Variants in RPA3 observed in about 807,000 individuals in gnomAD.
The protein encoded by RPA3 is replication protein A3.
In RPA3, 24 loss-of-function variants were observed where a neutral mutation model predicts 13.7. That is an observed-to-expected ratio of 1.75 (90% confidence interval 1.27 to 2.46). The LOEUF (loss-of-function observed/expected upper bound fraction) is 2.46. Among genes scored for constraint, RPA3 ranks in the 30% most tolerant of loss-of-function variants. RPA3 has a pLI of 0.00. For synonymous variants in RPA3, 59 were observed against 51.2 expected, an observed-to-expected ratio of 1.15 and a Z score of -0.65; for missense variants, 183 against 151.0, an observed-to-expected ratio of 1.21 and a Z score of -1.11.
At chr7:7,673,355 C>T in intron 4 of RPA3, 1 of 1,284,830 alleles carries the variant, frequency 7.8e-7, no homozygotes, top group Non-Finnish European at 1.1e-6. Context: ...GCAGCAGCAG[C>T]AGCAGCAGCA....
chr7:7,681,456 C>T (rs542446015), intron 4 of RPA3, among the ~76,000 whole-genome samples: 101 of 152,110 alleles, frequency 6.6e-4, no homozygotes, highest in Non-Finnish European at 1.1e-3. Flanking sequence ...CCTTTCTCCG[C>T]ATTAAGATTT....
intron 2 of RPA3, chr7:7,692,268 T>A (rs773462356): frequency 6.6e-6 from 1 of 152,210 alleles, no homozygotes; most frequent in African/African-American, 2.4e-5. Flanking sequence ...AGGAAAATAA[T>A]GTGGGCAGGA....
intron 1 of RPA3, among the ~76,000 whole-genome samples, chr7:7,717,060 C>CTTTTTTTTTTTTTTTTTT (rs766644906): frequency 7.1e-6 from 1 of 141,604 alleles, no homozygotes; most frequent in African/African-American, 2.6e-5. Context: ...TTCTTTTTTT[C>CTTTTTTTTTTTTTTTTTT]TTTTTTTTTT....
intron 2 of RPA3, among the ~76,000 whole-genome samples, chr7:7,688,451 C>T (rs370175754): frequency 5.5e-4 from 83 of 152,256 alleles, no homozygotes; most frequent in African/African-American, 1.9e-3. Context: ...CACTGATTAT[C>T]CGAATCCAAG....
intron 4 of RPA3, among the ~76,000 whole-genome samples, chr7:7,642,406 C>T (rs1372055007): frequency 6.6e-6 from 1 of 152,002 alleles, no homozygotes; most frequent in African/African-American, 2.4e-5. Flanking sequence ...CCTCCCTCCC[C>T]CGTCTCCCTC....
chr7:7,706,631 A>G (rs1357082102), intron 2 of RPA3, among the ~76,000 whole-genome samples: 1 of 152,202 alleles, frequency 6.6e-6, no homozygotes, highest in Non-Finnish European at 1.5e-5. Flanking sequence ...GAAGATAACT[A>G]ATAATAACTC....
intron 4 of RPA3, among the ~76,000 whole-genome samples, chr7:7,661,091 C>T (rs923735056): frequency 3.3e-5 from 5 of 151,872 alleles, no homozygotes; most frequent in African/African-American, 9.7e-5. Flanking sequence ...ATCCTTTCTT[C>T]CACTTGATTG....
chr7:7,667,218 C>G (rs1266441566), intron 4 of RPA3, among the ~76,000 whole-genome samples: 1 of 152,086 alleles, frequency 6.6e-6, no homozygotes, highest in Non-Finnish European at 1.5e-5. Flanking sequence ...TTGCCACTAG[C>G]TAATAATGGG....
At chr7:7,716,102 C>T (rs1384835120) in intron 1 of RPA3, among the ~76,000 whole-genome samples, 9 of 151,920 alleles carry the variant, frequency 5.9e-5, no homozygotes, top group Non-Finnish European at 1.5e-5. Flanking sequence ...AGAAAGCAAA[C>T]AAGCTGTGGC....
At chr7:7,645,281 A>G (rs1480550064) in intron 4 of RPA3, among the ~76,000 whole-genome samples, 1 of 152,210 alleles carries the variant, frequency 6.6e-6, no homozygotes, top group East Asian at 1.9e-4. Flanking sequence ...TTAAGTCAAG[A>G]TGGGGTTTAG....
Position 7,718,572 on chromosome 7 carries a change from A to G in RPA3, c.-1137T>C, listed in dbSNP as rs1780977960. 6.6e-6 allele frequency: 1 copy of G among 152,202 alleles called. No individual in the cohort carries two copies. Among genetic ancestry groups the G allele is most frequent in the Non-Finnish European group, 1.5e-5 (1 of 68,018 alleles). The allele number at this position is 152,202 out of a possible 1,614,324, so 9.4% of individuals were successfully genotyped here. The stretch of plus-strand genomic sequence containing the variant: ...TCCTTCTCATTGTTTTTCACATCCA[A>G]AAATGTCCTCTTGGAGCCTCTTATC... On this transcript the variant is annotated 5_prime_UTR_variant, in exon 1 of 8. Coordinates refer to ENST00000223129, the MANE Select transcript of RPA3 (RefSeq NM_002947.5).
intron 4 of RPA3, among the ~76,000 whole-genome samples, chr7:7,655,753 T>C (rs1256789623): frequency 6.6e-6 from 1 of 152,200 alleles, no homozygotes; most frequent in Non-Finnish European, 1.5e-5. Flanking sequence ...GGACAGGCTC[T>C]TTTTTATGTA....
At chr7:7,673,628 T>C (rs1779666980) in intron 4 of RPA3, among the ~76,000 whole-genome samples, 1 of 152,196 alleles carries the variant, frequency 6.6e-6, no homozygotes, top group African/African-American at 2.4e-5. Context: ...CTTGGAATAG[T>C]GTCATCAAGT....
chr7:7,652,627 G>A (rs1317221864), intron 4 of RPA3, among the ~76,000 whole-genome samples: 1 of 152,194 alleles, frequency 6.6e-6, no homozygotes, highest in African/African-American at 2.4e-5. Context: ...GAAGTAGATT[G>A]GTTAATTCCG....
chr7:7,708,770 C>G (rs1288727479), intron 2 of RPA3, among the ~76,000 whole-genome samples: 2 of 152,094 alleles, frequency 1.3e-5, no homozygotes, highest in Non-Finnish European at 1.5e-5. Context: ...AGCTTTTCAA[C>G]AGATAGAATG....
At chr7:7,700,045 A>G (rs1025789418) in intron 2 of RPA3, among the ~76,000 whole-genome samples, 2 of 152,188 alleles carry the variant, frequency 1.3e-5, no homozygotes, top group African/African-American at 4.8e-5. Flanking sequence ...GTAAATAACT[A>G]CTTCTGTGGA....
At chr7:7,669,600 T>C (rs1424725910) in intron 4 of RPA3, among the ~76,000 whole-genome samples, 19 of 152,140 alleles carry the variant, frequency 1.2e-4, no homozygotes, top group Admixed American at 1.2e-3. Context: ...GTGGCATGAG[T>C]CTTTAGCATC....
chr7:7,645,787 G>A (rs1785080258), intron 4 of RPA3, among the ~76,000 whole-genome samples: 1 of 150,292 alleles, frequency 6.7e-6, no homozygotes, highest in Non-Finnish European at 1.5e-5. Flanking sequence ...ATATATTCCT[G>A]GATTTGATTT....
rs770679624 is a variant in RPA3, at chr7:7,673,367, C to CAGCAGCAGT, written c.-758+12462_-758+12463insACTGCTGCT. 89 of 1,105,528 alleles carry CAGCAGCAGT rather than the reference C, an allele frequency of 8.1e-5. No homozygotes were observed. The South Asian group carries it at 1.2e-3, about 14-fold the overall frequency. 68.5% of individuals were successfully genotyped at this position (1,105,528 alleles called of 1,614,324 possible). A position where few individuals can be genotyped will look rare whatever the true frequency, so the allele number is the denominator to read the frequency against. ...GCAGCAGCAGCAGCAGCAGCAGCAG[C>CAGCAGCAGT]AGCAATGTTTCACTTCTTCAGAAAG... is the stretch of plus-strand genomic sequence containing the variant. On this transcript the variant is annotated intron_variant, in intron 4 of 7. Coordinates refer to ENST00000223129, the MANE Select transcript of RPA3 (RefSeq NM_002947.5).
Sources: gnomAD v4.1 joint callset for allele counts (sites outside exome capture counted in the v4.1 genomes callset) on GRCh38, gnomAD v4.1.1 for gene constraint, MANE v1.5 for transcripts, NCBI Gene and HGNC (gene_info 2026-07-23, HGNC 2026-07-21) for gene names.